The following SLC23A2 variants were observed in gnomAD, a reference collection of about 807,000 sequenced individuals.
SLC23A2 encodes Na(+)/L-ascorbic acid transporter 2.
A neutral mutation model predicts 73.3 loss-of-function variants in SLC23A2; 36 were observed. The observed-to-expected ratio is 0.49, with a 90% CI of 0.38 to 0.65. The LOEUF is 0.65. Among genes scored for constraint, SLC23A2 ranks in the 30% least tolerant of loss-of-function variants. The probability of loss-of-function intolerance (pLI) is 0.00; values close to 1 mark genes in which losing one functional copy is unlikely to be tolerated. For synonymous variants in SLC23A2, 343 were observed against 327.3 expected, an observed-to-expected ratio of 1.05 and a Z score of -0.52; for missense variants, 507 against 841.6, an observed-to-expected ratio of 0.60 and a Z score of 4.92.
intron 2 of SLC23A2, among the ~76,000 whole-genome samples, chr20:4,955,120 G>C (rs891945302): frequency 2.0e-5 from 3 of 151,932 alleles, no homozygotes; most frequent in African/African-American, 7.3e-5. Context: ...GGACATGGTG[G>C]TGCATGCCTG....
intron 2 of SLC23A2, among the ~76,000 whole-genome samples, chr20:4,959,825 G>A (rs538295861): frequency 1.9e-4 from 29 of 152,122 alleles, no homozygotes; most frequent in African/African-American, 6.7e-4. Context: ...TCTCTGTCAC[G>A]TAGGCAGGAT....
intron 5 of SLC23A2, among the ~76,000 whole-genome samples, chr20:4,900,164 G>T (rs191681865): frequency 6.6e-6 from 1 of 152,198 alleles, no homozygotes; most frequent in African/African-American, 2.4e-5. Context: ...GAGCCACCAC[G>T]CCCAGCTGCA....
Position 4,859,404 on chromosome 20 carries a change from A to G in SLC23A2, c.1625-20T>C, listed in dbSNP as rs753219344. 3.9e-6 allele frequency: 6 copies of G among 1,537,566 alleles called. No homozygotes were observed. The highest frequency in any genetic ancestry group is 1.7e-4 in the Middle Eastern group (1 of 5,924). On this transcript the variant is annotated intron_variant, in intron 15 of 16. Transcript: ENST00000338244. ...TTATCCCTAGAAAGAGAACACAGCCATAAACGATCAGTGCCACAGCAGCGG... is the reference window on the plus strand; with the variant it reads ...TTATCCCTAGAAAGAGAACACAGCCGTAAACGATCAGTGCCACAGCAGCGG...
At chr20:4,970,387 G>T (rs1241856455) in intron 2 of SLC23A2, among the ~76,000 whole-genome samples, 1 of 152,098 alleles carries the variant, frequency 6.6e-6, no homozygotes, top group Non-Finnish European at 1.5e-5. Flanking sequence ...CAAAGGTAAG[G>T]TCAAGTACAA....
intron 3 of SLC23A2, among the ~76,000 whole-genome samples, chr20:4,924,493 C>T (rs1932605972): frequency 6.6e-6 from 1 of 152,210 alleles, no homozygotes; most frequent in Non-Finnish European, 1.5e-5. Flanking sequence ...CCTAGGGCCA[C>T]CAGCTCCTGC....
chr20:4,859,478 G>A (rs948141055), intron 15 of SLC23A2, 94 bp from the exon 16 acceptor site: 40 of 781,526 alleles, frequency 5.1e-5, no homozygotes, highest in South Asian at 2.0e-4. Flanking sequence ...GCAGAACTCC[G>A]CCAATCAAAG....
chr20:4,911,203 T>C (rs2122891332), intron 4 of SLC23A2, among the ~76,000 whole-genome samples: 1 of 152,330 alleles, frequency 6.6e-6, no homozygotes, highest in African/African-American at 2.4e-5. Context: ...CCAATCCACA[T>C]GCCAAACACC....
In SLC23A2 at chr20:5,001,476, C is replaced by G. The variant is rs2088125196; in HGVS notation, c.-352G>C. ...GCCGCAGTGCCCGCTGCAGCCTCCG[C>G]CTCCGGTCCCCGCGACAGCCGCCTG... On this transcript the variant is annotated 5_prime_UTR_variant, in exon 1 of 17. Coordinates refer to ENST00000338244, the MANE Select transcript of SLC23A2 (RefSeq NM_005116.6). 6.7e-6 allele frequency: 1 copy of G among 149,852 alleles called. No homozygotes were observed. Among genetic ancestry groups the G allele is most frequent in the South Asian group, 2.1e-4 (1 of 4,826 alleles). The allele number at this position is 149,852 out of a possible 1,614,324, so 9.3% of individuals were successfully genotyped here.
chr20:4,983,097 C>T (rs2087752534), intron 1 of SLC23A2, among the ~76,000 whole-genome samples: 1 of 151,482 alleles, frequency 6.6e-6, no homozygotes, highest in Non-Finnish European at 1.5e-5. Flanking sequence ...GAGAGTGAAA[C>T]TCCATCTCAA....
chr20:4,898,717 C>T (rs549156287), intron 6 of SLC23A2, among the ~76,000 whole-genome samples: 3 of 152,296 alleles, frequency 2.0e-5, no homozygotes, highest in East Asian at 1.9e-4. Context: ...GCCAGCTCCA[C>T]GTCCATTTAA....
chr20:4,961,693 G>C (rs1219442179), intron 2 of SLC23A2, among the ~76,000 whole-genome samples: 1 of 152,156 alleles, frequency 6.6e-6, no homozygotes, highest in Non-Finnish European at 1.5e-5. Context: ...TTCCAGCCCT[G>C]ACTGTGCCAT....
chr20:4,913,258 G>C (rs998299851), intron 3 of SLC23A2, among the ~76,000 whole-genome samples: 1 of 152,178 alleles, frequency 6.6e-6, no homozygotes, highest in Non-Finnish European at 1.5e-5. Flanking sequence ...GGCCCAGGCT[G>C]AACAGGTGAG....
At chr20:4,991,163 G>A (rs761313690) in intron 1 of SLC23A2, among the ~76,000 whole-genome samples, 3 of 151,884 alleles carry the variant, frequency 2.0e-5, no homozygotes, top group South Asian at 4.2e-4. Context: ...GCTGGAGTGC[G>A]GTGGCACCAT....
At chr20:4,916,070 T>C (rs1296444255) in intron 3 of SLC23A2, among the ~76,000 whole-genome samples, 1 of 152,232 alleles carries the variant, frequency 6.6e-6, no homozygotes, top group African/African-American at 2.4e-5. Context: ...GCTTTTAAAA[T>C]TATTTCTCAA....
intron 1 of SLC23A2, among the ~76,000 whole-genome samples, chr20:4,989,228 C>A (rs1345761013): frequency 2.1e-5 from 3 of 145,724 alleles, no homozygotes; most frequent in Non-Finnish European, 4.5e-5. Context: ...CAGAGCGAGA[C>A]CCCGTCTCAA....
intron 1 of SLC23A2, among the ~76,000 whole-genome samples, chr20:5,007,346 C>G (rs1055249589): frequency 6.6e-6 from 1 of 152,128 alleles, no homozygotes. Flanking sequence ...GCTTGGTGAA[C>G]ACAGTGAAAC....
intron 9 of SLC23A2, among the ~76,000 whole-genome samples, chr20:4,880,219 C>T (rs1930829036): frequency 6.6e-6 from 1 of 152,198 alleles, no homozygotes; most frequent in African/African-American, 2.4e-5. Context: ...GAACAGTTTG[C>T]AAGTTAGTGC....
chr20:4,946,206 G>GCCAAGTTCCATCTCAGAAA (rs1193372027), intron 2 of SLC23A2, among the ~76,000 whole-genome samples: 2 of 152,132 alleles, frequency 1.3e-5, no homozygotes, highest in African/African-American at 4.8e-5. Context: ...AGGTACCACT[G>GCCAAGTTCCATCTCAGAAA]CCAAGTTCCA....
At chr20:4,936,346 T>G (rs896591323) in intron 2 of SLC23A2, among the ~76,000 whole-genome samples, 14 of 152,204 alleles carry the variant, frequency 9.2e-5, no homozygotes, top group African/African-American at 3.4e-4. Context: ...CATGGCCACA[T>G]GCCATATAGT....
Sources: allele counts gnomAD v4.1 joint callset (sites outside exome capture counted in the v4.1 genomes callset), GRCh38; gene constraint gnomAD v4.1.1; transcripts MANE v1.5; gene names NCBI Gene and HGNC (gene_info 2026-07-23, HGNC 2026-07-21).